The following PDSS2 variants were observed in gnomAD, a reference collection of about 807,000 sequenced individuals.
PDSS2 encodes all trans-polyprenyl-diphosphate synthase PDSS2.
Under a neutral mutation model 44.5 loss-of-function variants are expected in PDSS2, and 31 were observed. The ratio of observed to expected loss-of-function variants is 0.70; its 90% CI spans 0.52 to 0.94. The LOEUF (loss-of-function observed/expected upper bound fraction) is 0.94, where lower values mean the gene tolerates loss of function less well. Among genes scored for constraint, PDSS2 ranks in the 40% least tolerant of loss-of-function variants. The probability of loss-of-function intolerance (pLI) is 0.00; values close to 1 mark genes in which losing one functional copy is unlikely to be tolerated. For missense variants in PDSS2, 452 were observed against 482.2 expected (o/e 0.94, Z 0.59); for synonymous variants, 157 against 180.3 (o/e 0.87, Z 1.03).
At chr6:107,232,905 T>A (rs770085440) in intron 4 of PDSS2, among the ~76,000 whole-genome samples, 1 of 151,776 alleles carries the variant, frequency 6.6e-6, no homozygotes, top group African/African-American at 2.4e-5. Context: ...AGTGGCGCGA[T>A]CTCTATTCAC....
chr6:107,347,704 A>G (rs527293077), intron 1 of PDSS2, among the ~76,000 whole-genome samples: 1 of 152,320 alleles, frequency 6.6e-6, no homozygotes, highest in South Asian at 2.1e-4. Context: ...ATCAAAAGAA[A>G]TAATTTATAT....
chr6:107,305,176 T>C (rs1776817488), intron 2 of PDSS2, among the ~76,000 whole-genome samples: 1 of 151,832 alleles, frequency 6.6e-6, no homozygotes, highest in Non-Finnish European at 1.5e-5. Context: ...AGCAAATACT[T>C]TTTTTTTCAT....
rs111400733 is a variant in PDSS2 at position 107,275,851 on chromosome 6, T to C, written c.432-1624A>G. Among the ~76,000 whole-genome samples the C allele has an allele frequency of 2.9e-3, 445 of 152,230 alleles. 2 individuals carry two copies. Among genetic ancestry groups the C allele is most frequent in the African/African-American group, 8.1e-3 (335 of 41,562 alleles). On this transcript the variant is annotated intron_variant, in intron 2 of 7. Transcript: ENST00000369037. ...AAAATAGGCCAGGTGCAGTGGCTCA[T>C]GCCTGTAATCTCAGAACTTTGGGAG...
chr6:107,242,948 G>A (rs1332900667), intron 4 of PDSS2, among the ~76,000 whole-genome samples: 2 of 152,150 alleles, frequency 1.3e-5, no homozygotes, highest in Non-Finnish European at 2.9e-5. Context: ...GAATGAAGCA[G>A]TGCTATAAAG....
chr6:107,361,379 T>C (rs1778767075), intron 1 of PDSS2, among the ~76,000 whole-genome samples: 1 of 152,230 alleles, frequency 6.6e-6, no homozygotes, highest in South Asian at 2.1e-4. Context: ...ATTATTTCAT[T>C]ATAACAGGCA....
At chr6:107,244,892 G>A (rs960205776) in intron 4 of PDSS2, among the ~76,000 whole-genome samples, 2 of 152,140 alleles carry the variant, frequency 1.3e-5, no homozygotes, top group African/African-American at 4.8e-5. Flanking sequence ...AAATGATGGT[G>A]ATGGTCAATG....
intron 1 of PDSS2, among the ~76,000 whole-genome samples, chr6:107,425,029 C>T (rs961954419): frequency 2.0e-5 from 3 of 152,170 alleles, no homozygotes; most frequent in African/African-American, 4.8e-5. Context: ...GTTTTAAAAA[C>T]GGGAGTTTCC....
At chr6:107,305,624 T>C (rs1244022371) in intron 2 of PDSS2, among the ~76,000 whole-genome samples, 1 of 152,222 alleles carries the variant, frequency 6.6e-6, no homozygotes, top group African/African-American at 2.4e-5. Context: ...GCAACAGGGA[T>C]TCATGTAATG....
At position 107,274,020 on chromosome 6, in the gene PDSS2, C is replaced by G; in HGVS notation, c.630+9G>C. 6.2e-7 allele frequency: 1 copy of G among 1,612,670 alleles called. No homozygotes were observed. The highest frequency in any genetic ancestry group is 8.5e-7 in the Non-Finnish European group (1 of 1,178,818). ...CATTCAGGTACAACAAAACCCTGCC[C>G]AATTTTACCTTGGTGTTCTGTAGCA... On this transcript the variant is annotated intron_variant, in intron 3 of 7. Coordinates refer to ENST00000369037, the MANE Select transcript of PDSS2 (RefSeq NM_020381.4).
At chr6:107,409,544 C>G (rs1780426043) in intron 1 of PDSS2, among the ~76,000 whole-genome samples, 1 of 152,160 alleles carries the variant, frequency 6.6e-6, no homozygotes, top group Non-Finnish European at 1.5e-5. Context: ...CTAGCTACTT[C>G]TCTCCAAAGG....
At chr6:107,179,126 GCACA>G (rs1771888427) in intron 7 of PDSS2, among the ~76,000 whole-genome samples, 1 of 152,156 alleles carries the variant, frequency 6.6e-6, no homozygotes, top group Non-Finnish European at 1.5e-5. Context: ...TCTGACAGCT[GCACA>G]CAAATCTTAG....
rs1189814062 is a variant in PDSS2, at chr6:107,409,783, A to C, written c.296+49207T>G. Among the ~76,000 whole-genome samples, 2 of 152,184 alleles carry C rather than the reference A, an allele frequency of 1.3e-5. 1 individual carries two copies. The highest frequency in any genetic ancestry group is 3.8e-4 in the East Asian group (2 of 5,196). On this transcript the variant is annotated intron_variant, in intron 1 of 7. Coordinates refer to ENST00000369037, the MANE Select transcript of PDSS2 (RefSeq NM_020381.4). ...AGTAGACACGGTTCCTGCCCTCAGA[A>C]GGCTATTTTCTAATGGCAGAGGCAG...
chr6:107,239,913 A>T (rs898882102), intron 4 of PDSS2, among the ~76,000 whole-genome samples: 1 of 151,982 alleles, frequency 6.6e-6, no homozygotes, highest in Non-Finnish European at 1.5e-5. Context: ...AAGTGTTGGG[A>T]TTACAGGCGT....
At chr6:107,352,997 T>G (rs544571424) in intron 1 of PDSS2, among the ~76,000 whole-genome samples, 97 of 152,158 alleles carry the variant, frequency 6.4e-4, no homozygotes, top group Non-Finnish European at 1.3e-3. Context: ...CTAACTATAC[T>G]CCTTGTCACA....
chr6:107,290,190 A>G (rs767612945), intron 2 of PDSS2, among the ~76,000 whole-genome samples: 3 of 152,214 alleles, frequency 2.0e-5, no homozygotes, highest in Admixed American at 6.5e-5. Context: ...ACTATCACAA[A>G]GTTGTTTCTA....
intron 1 of PDSS2, among the ~76,000 whole-genome samples, chr6:107,407,164 G>GA (rs1263285757): frequency 6.6e-6 from 1 of 152,182 alleles, no homozygotes; most frequent in Non-Finnish European, 1.5e-5. Flanking sequence ...GATGAGCCTT[G>GA]AAAACATTAT....
At chr6:107,219,008 A>G (rs1218826671) in intron 4 of PDSS2, among the ~76,000 whole-genome samples, 2 of 151,800 alleles carry the variant, frequency 1.3e-5, no homozygotes, top group East Asian at 3.9e-4. Flanking sequence ...CAGTGAGCCG[A>G]CATCACGCCA....
intron 6 of PDSS2, among the ~76,000 whole-genome samples, chr6:107,202,436 G>A (rs562266498): frequency 6.6e-6 from 1 of 152,258 alleles, no homozygotes; most frequent in South Asian, 2.1e-4. Flanking sequence ...TGTAGTGTAT[G>A]GGGATAACAG....
At chr6:107,331,433 G>C (rs902862315) in intron 2 of PDSS2, among the ~76,000 whole-genome samples, 3 of 152,050 alleles carry the variant, frequency 2.0e-5, no homozygotes, top group African/African-American at 7.2e-5. Context: ...TATTTGGAAA[G>C]GTTTCATGTT....
Sources: gnomAD v4.1 joint callset for allele counts (sites outside exome capture counted in the v4.1 genomes callset) on GRCh38, gnomAD v4.1.1 for gene constraint, MANE v1.5 for transcripts, NCBI Gene and HGNC (gene_info 2026-07-23, HGNC 2026-07-21) for gene names.